The following BCLAF3 variants were observed in gnomAD, a reference collection of about 807,000 sequenced individuals.
BCLAF3 encodes the protein BCLAF1 and THRAP3 family member 3.
A neutral mutation model predicts 51.2 loss-of-function variants in BCLAF3; 24 were observed. The ratio of observed to expected loss-of-function variants is 0.47; its 90% confidence interval spans 0.34 to 0.66. The LOEUF is 0.66. BCLAF3 is among the 30% of genes least tolerant of loss of function. The pLI, the probability that BCLAF3 is intolerant of heterozygous loss-of-function variation, is 0.01. For synonymous variants in BCLAF3, 152 were observed against 176.6 expected (o/e 0.86, Z 1.10); for missense variants, 465 against 525.1 (o/e 0.89, Z 1.12).
chrX:19,984,040 C>A, intron 1 of BCLAF3, among the ~76,000 whole-genome samples: 1 of 96,402 alleles, frequency 1.0e-5, no homozygotes. Flanking sequence ...CTACTGCACT[C>A]CAGCCTGGGC....
At chrX:19,921,345 G>T (rs976196955) in intron 11 of BCLAF3, among the ~76,000 whole-genome samples, 3 of 112,130 alleles carry the variant, frequency 2.7e-5, no homozygotes, top group African/African-American at 9.7e-5. Context: ...AGTAAAAGCA[G>T]CATTTTCAAT....
intron 8 of BCLAF3, among the ~76,000 whole-genome samples, chrX:19,945,927 T>C (rs368496417): frequency 2.8e-4 from 30 of 107,929 alleles, no homozygotes; most frequent in East Asian, 1.2e-3. Context: ...ATCAGCGAGA[T>C]TCCGTGGGCG....
chrX:19,935,923 G>A, intron 9 of BCLAF3, 25 bp from the exon 10 acceptor site: 1 of 1,090,077 alleles, frequency 9.2e-7, no homozygotes, highest in South Asian at 1.9e-5. Flanking sequence ...GTAGTAGTGT[G>A]GGTTAACAGA....
At chrX:19,923,401 A>G in intron 11 of BCLAF3, 2 of 175,500 alleles carry the variant, frequency 1.1e-5, no homozygotes, top group South Asian at 7.5e-5. Flanking sequence ...TTTGAGAGCT[A>G]GGGGACCTGA....
chrX:19,956,286 C>T (rs2071660572), intron 4 of BCLAF3, among the ~76,000 whole-genome samples: 1 of 111,780 alleles, frequency 8.9e-6, no homozygotes, highest in Non-Finnish European at 1.9e-5. Context: ...CCTCTAAGTA[C>T]TTTTACAAAC....
chrX:19,973,367 G>A (rs181821159), intron 1 of BCLAF3, among the ~76,000 whole-genome samples: 1 of 111,672 alleles, frequency 9.0e-6, no homozygotes, highest in African/African-American at 3.3e-5. Context: ...ACACTAAGAT[G>A]TTTGTATCAG....
intron 1 of BCLAF3, among the ~76,000 whole-genome samples, chrX:19,984,691 T>G (rs1346109337): frequency 1.9e-5 from 2 of 107,523 alleles, no homozygotes; most frequent in Non-Finnish European, 3.9e-5. Context: ...AAATTATACT[T>G]TTTTTTTTTT....
chrX:19,990,145 A>AC, intron 1 of BCLAF3, among the ~76,000 whole-genome samples: 1 of 106,977 alleles, frequency 9.3e-6, no homozygotes, highest in Admixed American at 1.0e-4. Context: ...GTTCCAGGAA[A>AC]AAAAAAAAAA....
intron 1 of BCLAF3, among the ~76,000 whole-genome samples, chrX:19,989,497 A>C (rs1249931826): frequency 2.7e-5 from 3 of 112,280 alleles, no homozygotes; most frequent in Non-Finnish European, 5.6e-5. Context: ...TTCGAAAGTA[A>C]TCATAGATAT....
intron 1 of BCLAF3, among the ~76,000 whole-genome samples, chrX:19,979,585 G>A (rs2072543793): frequency 9.1e-6 from 1 of 110,414 alleles, no homozygotes. Flanking sequence ...AACCAAACCC[G>A]CAATATCTCT....
intron 8 of BCLAF3, among the ~76,000 whole-genome samples, chrX:19,939,935 A>G (rs1366971511): frequency 8.9e-6 from 1 of 112,138 alleles, no homozygotes; most frequent in Non-Finnish European, 1.9e-5. Flanking sequence ...AGAGGAGAGC[A>G]TGAGGAGTTA....
intron 1 of BCLAF3, among the ~76,000 whole-genome samples, chrX:19,990,506 C>T (rs994926724): frequency 8.8e-6 from 1 of 113,823 alleles, no homozygotes; most frequent in African/African-American, 3.2e-5. Flanking sequence ...GCGACGCGTC[C>T]AGGGCCGCCT....
intron 1 of BCLAF3, among the ~76,000 whole-genome samples, chrX:19,979,937 T>C (rs1481754071): frequency 9.5e-6 from 1 of 105,500 alleles, no homozygotes; most frequent in Admixed American, 1.0e-4. Context: ...GAGAGAATAG[T>C]GGGGAGAGGG....
At chrX:19,956,914 C>T (rs1053045091) in intron 4 of BCLAF3, among the ~76,000 whole-genome samples, 7 of 111,947 alleles carry the variant, frequency 6.3e-5, no homozygotes. Context: ...CACGCATGCA[C>T]ATATGTACTT....
chrX:19,948,613 T>C (rs966533001), intron 8 of BCLAF3, among the ~76,000 whole-genome samples: 3 of 106,182 alleles, frequency 2.8e-5, no homozygotes, highest in Non-Finnish European at 5.8e-5. Flanking sequence ...AAAAAAAAAA[T>C]ACGAAAAATT....
At chrX:19,971,501 A>G (rs2072257517) in intron 1 of BCLAF3, among the ~76,000 whole-genome samples, 1 of 112,814 alleles carries the variant, frequency 8.9e-6, no homozygotes, top group South Asian at 3.6e-4. Flanking sequence ...TAAAACAAAT[A>G]ATGTCAAATA....
At chrX:19,988,939 C>T (rs1403549731) in intron 1 of BCLAF3, among the ~76,000 whole-genome samples, 1 of 111,379 alleles carries the variant, frequency 9.0e-6, no homozygotes, top group African/African-American at 3.3e-5. Flanking sequence ...GTGCTATCAA[C>T]AAATAAGAAA....
chrX:19,990,739 C>T (rs760387677), intron 1 of BCLAF3, among the ~76,000 whole-genome samples, 169 bp downstream of exon 1: 1 of 112,666 alleles, frequency 8.9e-6, no homozygotes, highest in South Asian at 3.6e-4. Context: ...AGGCGCTGAC[C>T]GAGGGACCTA....
chrX:19,919,631 C>T (rs780308047), intron 11 of BCLAF3, among the ~76,000 whole-genome samples: 6 of 110,060 alleles, frequency 5.5e-5, no homozygotes, highest in Admixed American at 1.9e-4. Context: ...CTGAGGTGGG[C>T]GGATCACTTG....
Sources: gnomAD v4.1 joint callset for allele counts (sites outside exome capture counted in the v4.1 genomes callset) on GRCh38, gnomAD v4.1.1 for gene constraint, MANE v1.5 for transcripts, NCBI Gene and HGNC (gene_info 2026-07-23, HGNC 2026-07-21) for gene names.